RGS3: variants seen among roughly 807,000 people sequenced by gnomAD.
RGS3 encodes regulator of G-protein signalling 3.
In RGS3, 80 loss-of-function variants were observed where a neutral mutation model predicts 132.6. The ratio of observed to expected loss-of-function variants is 0.60; its 90% confidence interval spans 0.50 to 0.73. RGS3 has a LOEUF of 0.73. RGS3 is among the 30% of genes least tolerant of loss of function. The pLI, the probability that RGS3 is intolerant of heterozygous loss-of-function variation, is 0.00. For synonymous variants in RGS3, 598 were observed against 620.6 expected (o/e 0.96, Z 0.54); for missense variants, 1,382 against 1,530.8 (o/e 0.90, Z 1.62).
chr9:113,482,987 G>A (rs1252525537), intron 4 of RGS3, 72 bp from the exon 3 acceptor site: 1 of 1,610,636 alleles, frequency 6.2e-7, no homozygotes, highest in East Asian at 2.2e-5. Context: ...ATGTCTATGT[G>A]TGTCTCTCTT....
chr9:113,514,317 A>G, intron 14 of RGS3, 141 bp from the exon 13 acceptor site: 1 of 728,706 alleles, frequency 1.4e-6, no homozygotes, highest in Non-Finnish European at 2.3e-6. Flanking sequence ...GTGTTTCAGC[A>G]TCGTGCGCAG....
At chr9:113,561,277 C>T (rs530822285) in intron 19 of RGS3, among the ~76,000 whole-genome samples, 2 of 152,108 alleles carry the variant, frequency 1.3e-5, no homozygotes, top group East Asian at 3.9e-4. Flanking sequence ...CCCCTGCCTC[C>T]ACCTCCCAAA....
chr9:113,536,664 C>A, intron 18 of RGS3, 132 bp from the exon 17 acceptor site: 1 of 1,497,724 alleles, frequency 6.7e-7, no homozygotes, highest in South Asian at 1.3e-5. Context: ...TGTGCATTTG[C>A]GGCTTTTGGC....
At chr9:113,573,347 T>C (rs1353881732) in intron 19 of RGS3, among the ~76,000 whole-genome samples, 1 of 152,154 alleles carries the variant, frequency 6.6e-6, no homozygotes, top group East Asian at 1.9e-4. Context: ...TGCCCACTCA[T>C]GAGAGAGTCA....
At chr9:113,553,334 T>C (rs1234299881) in intron 19 of RGS3, among the ~76,000 whole-genome samples, 1 of 148,462 alleles carries the variant, frequency 6.7e-6, no homozygotes, top group African/African-American at 2.5e-5. Context: ...TCCCAGCTAC[T>C]TGGGAAGCTG....
At chr9:113,447,411 G>T in intron 1 of RGS3, among the ~76,000 whole-genome samples, 1 of 119,858 alleles carries the variant, frequency 8.3e-6, no homozygotes, top group Admixed American at 1.0e-4. Flanking sequence ...TATATTTTTG[G>T]CCTTAACTAT....
At chr9:113,553,333 C>A (rs1256318375) in intron 19 of RGS3, among the ~76,000 whole-genome samples, 2 of 148,088 alleles carry the variant, frequency 1.4e-5, no homozygotes, top group Non-Finnish European at 3.0e-5. Context: ...GTCCCAGCTA[C>A]TTGGGAAGCT....
rs997352363 is a variant in RGS3 at position 113,565,689 on chromosome 9, C to T, written c.2038-17761C>T. ...ACCTGGGCGGGCGAGCTGGCAGGAG[C>T]GGCAGCCAGGAGTCGCCTGGGTCCC... On this transcript the variant is annotated intron_variant, in intron 19 of 24. Transcript: ENST00000350696. The surrounding 1 kb of genome is among the most constrained non-coding windows in gnomAD (Gnocchi z 5.7). 78 of 270,208 alleles carry T rather than the reference C, an allele frequency of 2.9e-4. No individual in the cohort carries two copies. The highest frequency in any genetic ancestry group is 1.5e-3 in the African/African-American group (69 of 44,578). 16.7% of individuals were successfully genotyped at this position (270,208 alleles called of 1,614,324 possible).
chr9:113,569,582 C>CTTCT (rs1267880432), intron 19 of RGS3, among the ~76,000 whole-genome samples: 1,102 of 79,592 alleles, frequency 0.014, 12 homozygotes, highest in African/African-American at 0.026. Context: ...TCCTTCTTTC[C>CTTCT]TTCCTTCCTT....
intron 18 of RGS3, among the ~76,000 whole-genome samples, chr9:113,532,946 G>A (rs1235161647): frequency 1.3e-5 from 2 of 152,192 alleles, no homozygotes; most frequent in South Asian, 2.1e-4. Flanking sequence ...CATTCTGGTC[G>A]CCTCTTGGTC....
chr9:113,448,097 A>G (rs1184986256), intron 1 of RGS3, among the ~76,000 whole-genome samples: 2 of 152,072 alleles, frequency 1.3e-5, no homozygotes, highest in Non-Finnish European at 2.9e-5. Flanking sequence ...GGCTCAAGCC[A>G]TCCTCCTGCC....
chr9:113,517,228 G>A (rs369613555), intron 15 of RGS3: 6 of 524,910 alleles, frequency 1.1e-5, no homozygotes, highest in African/African-American at 1.9e-5. Flanking sequence ...AGTGCAGTGG[G>A]GGGTGAGAGC....
At chr9:113,494,905 T>C (rs1830635020) in intron 7 of RGS3, among the ~76,000 whole-genome samples, 1 of 152,142 alleles carries the variant, frequency 6.6e-6, no homozygotes, top group Non-Finnish European at 1.5e-5. Flanking sequence ...GATGGAGTCT[T>C]GGCTCTGTCA....
chr9:113,596,883 A>C, exon 25 of RGS3: 1 of 1,613,762 alleles, frequency 6.2e-7, no homozygotes, highest in Non-Finnish European at 8.5e-7. Context: ...AAGGACTCGT[A>C]CCCTCGCTTT....
intron 3 of RGS3, among the ~76,000 whole-genome samples, chr9:113,468,462 A>G (rs893771445): frequency 7.9e-5 from 12 of 152,138 alleles, no homozygotes; most frequent in Admixed American, 7.2e-4. Flanking sequence ...GCTTTGTAGT[A>G]CATTTTGAAA....
In RGS3 at chr9:113,473,562, G is replaced by A. The variant is rs147789674; in HGVS notation, c.416-5929G>A. Among the ~76,000 whole-genome samples, 114 of 152,102 alleles carry A rather than the reference G, an allele frequency of 7.5e-4. 1 individual carries two copies. Among genetic ancestry groups the A allele is most frequent in the African/African-American group, 2.5e-3 (102 of 41,478 alleles). On this transcript the variant is annotated intron_variant, in intron 3 of 24. Coordinates refer to ENST00000350696, the Ensembl canonical transcript of RGS3. Reference sequence around the variant, plus strand: ...CACGTCCGGCTAATTTTAAAAAAACGTTTTTGGAGAGACAGAGTCTTGCTA... The same window carrying A: ...CACGTCCGGCTAATTTTAAAAAAACATTTTTGGAGAGACAGAGTCTTGCTA...
upstream of RGS3, among the ~76,000 whole-genome samples, chr9:113,457,746 T>C (rs1829394691): frequency 6.6e-6 from 1 of 152,236 alleles, no homozygotes; most frequent in African/African-American, 2.4e-5. Flanking sequence ...ATACAAATGC[T>C]TGAACTTTCT....
rs1254742148 is a variant in RGS3 at position 113,591,145 on chromosome 9, G to T, written c.3016-188G>T. ...TCCCTGTGGCCGGAGAGTCTGCCAG[G>T]CCGATTCCACTTCATGGCCAGGCTG... On this transcript the variant is annotated intron_variant, in intron 20 of 24. Coordinates refer to ENST00000350696, the Ensembl canonical transcript of RGS3. The surrounding 1 kb of genome is among the most constrained non-coding windows in gnomAD (Gnocchi z 4.4). Among the ~76,000 whole-genome samples, 1 of 152,188 alleles carries T rather than the reference G, an allele frequency of 6.6e-6. No homozygotes were observed. The highest frequency in any genetic ancestry group is 1.5e-5 in the Non-Finnish European group (1 of 68,034).
chr9:113,558,738 A>T (rs1341177185), intron 19 of RGS3, among the ~76,000 whole-genome samples: 3 of 152,222 alleles, frequency 2.0e-5, no homozygotes, highest in Non-Finnish European at 1.5e-5. Flanking sequence ...GTGATTTATT[A>T]TGCAGGCTTG....
Sources: allele counts gnomAD v4.1 joint callset (sites outside exome capture counted in the v4.1 genomes callset), GRCh38; gene constraint gnomAD v4.1.1; non-coding constraint Gnocchi (gnomAD v3.1); transcripts MANE v1.5; gene names NCBI Gene and HGNC (gene_info 2026-07-23, HGNC 2026-07-21).